Variants in SYT1 observed in about 807,000 individuals in gnomAD.
SYT1 encodes the protein synaptotagmin 1, also known as synaptotagmin-1.
Under a neutral mutation model 44.8 loss-of-function variants are expected in SYT1, and 8 were observed. The ratio of observed to expected loss-of-function variants is 0.18; its 90% CI spans 0.10 to 0.32. The LOEUF is 0.32. Ranked by LOEUF, SYT1 falls within the 10% of genes least tolerant of loss-of-function variation. The pLI is 1.00. For missense variants in SYT1, 286 were observed against 509.3 expected (o/e 0.56, Z 4.22); for synonymous variants, 154 against 188.8 (o/e 0.82, Z 1.51).
chr12:78,932,732 T>C lies in SYT1; in HGVS notation c.-216-45067T>C, dbSNP rs139180597. On this transcript the variant is annotated intron_variant, in intron 1 of 10. Coordinates refer to ENST00000261205, the MANE Select transcript of SYT1 (RefSeq NM_005639.3). ...AATATGCAAACTCTTCGAGAACTCATTTAACTCTTGTCAATTTGTACCAAT... is the reference window on the plus strand; with the variant it reads ...AATATGCAAACTCTTCGAGAACTCACTTAACTCTTGTCAATTTGTACCAAT... Among the ~76,000 whole-genome samples, 31 of 152,322 alleles carry C rather than the reference T, an allele frequency of 2.0e-4. 1 individual carries two copies. The East Asian group carries it at 5.4e-3, about 27-fold the overall frequency.
At chr12:79,314,168 CAAAAAAA>C (rs34951756) in intron 8 of SYT1, among the ~76,000 whole-genome samples, 25 of 67,290 alleles carry the variant, frequency 3.7e-4, no homozygotes, top group African/African-American at 8.8e-4. Flanking sequence ...GACTCCGTCT[CAAAAAAA>C]AAAAAAAAAA....
At position 79,038,541 on chromosome 12, in the gene SYT1, CA is replaced by C. The variant is rs1873296475; in HGVS notation, c.-83-8752del. On this transcript the variant is annotated intron_variant, in intron 2 of 10. Coordinates refer to ENST00000261205, the MANE Select transcript of SYT1 (RefSeq NM_005639.3). ...CTGTTCCAATAATAAGAATTTAAGT[CA>C]AAAGATATGTAACAAAATCCCTTAG... 2.0e-5 allele frequency among the ~76,000 whole-genome samples: 3 copies of C among 151,784 alleles called. No individual in the cohort carries two copies. In the South Asian group the frequency reaches 6.2e-4, roughly 31 times the overall value.
intron 3 of SYT1, among the ~76,000 whole-genome samples, chr12:79,060,054 G>C (rs1400442623): frequency 6.6e-6 from 1 of 152,054 alleles, no homozygotes; most frequent in African/African-American, 2.4e-5. Flanking sequence ...CTTTGCATAA[G>C]AGAGTGAGCT....
intron 8 of SYT1, among the ~76,000 whole-genome samples, chr12:79,317,521 T>C (rs1881149906): frequency 2.0e-5 from 3 of 152,140 alleles, no homozygotes; most frequent in Admixed American, 1.3e-4. Context: ...GCTGGCAGAC[T>C]TCTGGCTTGA....
intron 9 of SYT1, among the ~76,000 whole-genome samples, chr12:79,429,983 G>C (rs1565954376): frequency 1.3e-5 from 2 of 152,114 alleles, no homozygotes; most frequent in East Asian, 3.9e-4. Flanking sequence ...ATTATGCACA[G>C]GAAGACTAGA....
chr12:78,885,416 G>C (rs894907432), intron 1 of SYT1, among the ~76,000 whole-genome samples: 4 of 151,338 alleles, frequency 2.6e-5, no homozygotes, highest in African/African-American at 9.7e-5. Context: ...AGGAGGACAG[G>C]TGCTATTAAT....
At chr12:79,406,199 T>C (rs1229256732) in intron 9 of SYT1, among the ~76,000 whole-genome samples, 1 of 152,062 alleles carries the variant, frequency 6.6e-6, no homozygotes, top group Non-Finnish European at 1.5e-5. Flanking sequence ...GAAAAAACAT[T>C]ATGGACAGGT....
chr12:78,941,517 C>A (rs917484294), intron 1 of SYT1, among the ~76,000 whole-genome samples: 7 of 151,964 alleles, frequency 4.6e-5, no homozygotes, highest in Non-Finnish European at 7.4e-5. Context: ...TTTACATCTA[C>A]TGCATGCTTT....
At chr12:79,090,170 T>C (rs1004888705) in intron 3 of SYT1, among the ~76,000 whole-genome samples, 1 of 152,070 alleles carries the variant, frequency 6.6e-6, no homozygotes, top group African/African-American at 2.4e-5. Flanking sequence ...TGATCTTTTC[T>C]ACTTGAAAAC....
At chr12:79,209,470 C>T (rs1874314275) in intron 3 of SYT1, among the ~76,000 whole-genome samples, 1 of 152,202 alleles carries the variant, frequency 6.6e-6, no homozygotes. Context: ...GAGATGCTTG[C>T]TGAACTGATA....
chr12:79,296,321 A>T, intron 7 of SYT1, 85 bp downstream of exon 7: 11 of 1,361,260 alleles, frequency 8.1e-6, no homozygotes, highest in Non-Finnish European at 1.1e-5. Flanking sequence ...ATAGACATGC[A>T]CATGAATGCT....
At chr12:79,343,512 T>A (rs915978110) in intron 8 of SYT1, among the ~76,000 whole-genome samples, 3 of 152,208 alleles carry the variant, frequency 2.0e-5, no homozygotes, top group Admixed American at 2.0e-4. Flanking sequence ...GTACATTGCC[T>A]GAGGCTTAGT....
chr12:79,144,318 T>C (rs999353722), intron 3 of SYT1, among the ~76,000 whole-genome samples: 3 of 152,200 alleles, frequency 2.0e-5, no homozygotes, highest in Non-Finnish European at 4.4e-5. Flanking sequence ...TACTGGGTTC[T>C]TTAAAATATA....
At chr12:79,099,870 A>G (rs539850227) in intron 3 of SYT1, among the ~76,000 whole-genome samples, 1 of 152,200 alleles carries the variant, frequency 6.6e-6, no homozygotes, top group East Asian at 1.9e-4. Context: ...CCTAATCCGG[A>G]TCCTCTAAAT....
At chr12:79,026,083 C>A (rs1453055883) in intron 2 of SYT1, among the ~76,000 whole-genome samples, 1 of 151,630 alleles carries the variant, frequency 6.6e-6, no homozygotes, top group Non-Finnish European at 1.5e-5. Context: ...TTTTATGCAT[C>A]ATTTATTTGA....
intron 3 of SYT1, among the ~76,000 whole-genome samples, chr12:79,131,302 A>G (rs531226240): frequency 1.3e-5 from 2 of 152,224 alleles, no homozygotes; most frequent in South Asian, 2.1e-4. Context: ...TGGTGGCCCT[A>G]TAAGGTCTAA....
intron 2 of SYT1, chr12:79,045,423 G>T (rs1038021488): frequency 1.3e-5 from 2 of 153,582 alleles, no homozygotes; most frequent in African/African-American, 4.8e-5. Flanking sequence ...CTCCGAAAGG[G>T]AACTCCCTGA....
intron 1 of SYT1, among the ~76,000 whole-genome samples, chr12:78,936,503 CTGTT>C (rs1219579927): frequency 6.6e-6 from 1 of 151,954 alleles, no homozygotes; most frequent in African/African-American, 2.4e-5. Context: ...GTAGGTATGC[CTGTT>C]TATTTTCTTT....
chr12:78,971,808 T>A (rs922043989), intron 1 of SYT1, among the ~76,000 whole-genome samples: 19 of 152,128 alleles, frequency 1.2e-4, no homozygotes, highest in African/African-American at 4.1e-4. Flanking sequence ...TCAATAGATA[T>A]GAATGATACT....
Sources: allele counts gnomAD v4.1 joint callset (sites outside exome capture counted in the v4.1 genomes callset), GRCh38; gene constraint gnomAD v4.1.1; transcripts MANE v1.5; gene names NCBI Gene and HGNC (gene_info 2026-07-23, HGNC 2026-07-21).